The following IFT46 variants were observed in gnomAD, a reference collection of about 807,000 sequenced individuals.
The protein encoded by IFT46 is intraflagellar transport protein 46 homolog.
Under a neutral mutation model 39.6 loss-of-function variants are expected in IFT46, and 19 were observed. That is an observed-to-expected ratio of 0.48 (90% CI 0.33 to 0.70). IFT46 has a LOEUF of 0.70. Among genes scored for constraint, IFT46 ranks in the 30% least tolerant of loss-of-function variants. The pLI, the probability that IFT46 is intolerant of heterozygous loss-of-function variation, is 0.01. For missense variants in IFT46, 334 were observed against 364.8 expected, an observed-to-expected ratio of 0.92 and a Z score of 0.69; for synonymous variants, 117 against 134.8, an observed-to-expected ratio of 0.87 and a Z score of 0.91.
At chr11:118,570,572 T>C (rs1555072197), upstream of IFT46, among the ~76,000 whole-genome samples, 1 of 152,228 alleles carries the variant, frequency 6.6e-6, no homozygotes, top group African/African-American at 2.4e-5. Context: ...GGATGAGTGC[T>C]GTTCGGTTGA....
intron 4 of IFT46, 104 bp from the exon 5 acceptor site, chr11:118,555,426 C>T: frequency 1.2e-6 from 1 of 815,622 alleles, no homozygotes; most frequent in South Asian, 1.6e-5. Context: ...GATCCTGAAG[C>T]TAGCTTCTGC....
At chr11:118,555,542 C>A in intron 4 of IFT46, 1 of 450,458 alleles carries the variant, frequency 2.2e-6, no homozygotes, top group Non-Finnish European at 3.9e-6. Context: ...GCAGAAAATC[C>A]AAAACATAAT....
chr11:118,566,543 A>G (rs933055588), upstream of IFT46, among the ~76,000 whole-genome samples: 2 of 151,962 alleles, frequency 1.3e-5, no homozygotes, highest in African/African-American at 4.8e-5. Context: ...AATTCAAAAA[A>G]TTAGCCGGGC....
At chr11:118,545,609 GT>G (rs1375019999) in intron 10 of IFT46, 115 bp from the exon 11 acceptor site, 5 of 1,084,766 alleles carry the variant, frequency 4.6e-6, no homozygotes, top group Non-Finnish European at 7.0e-6. Flanking sequence ...GACTTTGGGG[GT>G]TAAATACCCA....
chr11:118,558,231 T>A (rs1437464924), intron 3 of IFT46, among the ~76,000 whole-genome samples: 1 of 152,246 alleles, frequency 6.6e-6, no homozygotes, highest in Non-Finnish European at 1.5e-5. Flanking sequence ...TCTAGAGCAT[T>A]CTTTCTCAAT....
rs1479904081 is a variant in IFT46 at position 118,560,664 on chromosome 11, G to A, written c.-35-800C>T. The A allele has an allele frequency of 1.2e-4, 63 of 518,168 alleles. 1 individual carries two copies. Among genetic ancestry groups the A allele is most frequent in the South Asian group, 5.5e-4 (29 of 52,686 alleles). 32.1% of individuals were successfully genotyped at this position (518,168 alleles called of 1,614,324 possible). ...TGGGCCGGCAGGTCTCTGTCGAGCC[G>A]CAAACGCGGGTCTCTGTTCCGCAGA... On this transcript the variant is annotated intron_variant, in intron 2 of 11. Coordinates refer to ENST00000264021, the MANE Select transcript of IFT46 (RefSeq NM_001168618.2).
At chr11:118,568,589 T>G (rs922118280), upstream of IFT46, among the ~76,000 whole-genome samples, 21 of 151,990 alleles carry the variant, frequency 1.4e-4, no homozygotes, top group African/African-American at 5.1e-4. Context: ...AATAAAAAGT[T>G]ACCCCATAAA....
At chr11:118,568,543 C>A (rs1184417580), upstream of IFT46, among the ~76,000 whole-genome samples, 1 of 152,030 alleles carries the variant, frequency 6.6e-6, no homozygotes, top group Non-Finnish European at 1.5e-5. Context: ...CAGAGTGAGA[C>A]TGTCTCAAAA....
At chr11:118,563,767 C>G (rs1938139683) in intron 2 of IFT46, among the ~76,000 whole-genome samples, 1 of 152,138 alleles carries the variant, frequency 6.6e-6, no homozygotes, top group Admixed American at 6.6e-5. Flanking sequence ...CAAACTAAGC[C>G]AAGTTCTTTC....
At chr11:118,564,810 T>C (rs1938172886) in intron 2 of IFT46, among the ~76,000 whole-genome samples, 155 bp downstream of exon 2, 1 of 152,202 alleles carries the variant, frequency 6.6e-6, no homozygotes, top group Admixed American at 6.5e-5. Context: ...AAGGCTATGA[T>C]TTCTCCCCCT....
intron 9 of IFT46, among the ~76,000 whole-genome samples, chr11:118,547,441 C>T (rs1468650359): frequency 6.6e-6 from 1 of 152,132 alleles, no homozygotes; most frequent in Non-Finnish European, 1.5e-5. Context: ...TTTTTTGAGA[C>T]GGAGTCTTGC....
chr11:118,549,434 G>A (rs148742322), intron 9 of IFT46, among the ~76,000 whole-genome samples: 2 of 151,660 alleles, frequency 1.3e-5, no homozygotes, highest in African/African-American at 4.8e-5. Flanking sequence ...TTCTCAGACT[G>A]CTACTGTCTT....
intron 11 of IFT46, 112 bp downstream of exon 11, chr11:118,545,297 C>A: frequency 1.2e-6 from 1 of 845,688 alleles, no homozygotes; most frequent in Non-Finnish European, 1.9e-6. Flanking sequence ...GCGAAGGTAA[C>A]TGGGCAGAGA....
At chr11:118,548,893 CTT>C (rs570165873) in intron 9 of IFT46, among the ~76,000 whole-genome samples, 35 of 135,348 alleles carry the variant, frequency 2.6e-4, no homozygotes, top group Admixed American at 2.3e-4. Flanking sequence ...TCCATTATGA[CTT>C]TTTTTTTTTT....
intron 7 of IFT46, 44 bp downstream of exon 7, chr11:118,554,415 C>G: frequency 6.5e-7 from 1 of 1,547,596 alleles, no homozygotes; most frequent in South Asian, 1.3e-5. Context: ...CTCCTCCACT[C>G]TTGGCCCTCT....
intron 2 of IFT46, chr11:118,560,954 G>A: frequency 7.7e-7 from 1 of 1,296,972 alleles, no homozygotes; most frequent in South Asian, 1.2e-5. Flanking sequence ...TGGTGTGAAG[G>A]TTGGCCTGAC....
At chr11:118,575,494 C>T (rs1938474022), upstream of IFT46, among the ~76,000 whole-genome samples, 1 of 151,920 alleles carries the variant, frequency 6.6e-6, no homozygotes, top group Non-Finnish European at 1.5e-5. Context: ...TTAAAACCCT[C>T]ACTGAGTAAA....
intron 3 of IFT46, among the ~76,000 whole-genome samples, chr11:118,559,192 A>G (rs954954654): frequency 6.6e-6 from 1 of 152,018 alleles, no homozygotes; most frequent in Non-Finnish European, 1.5e-5. Flanking sequence ...TTAAGAAATC[A>G]TATGTGCAAC....
upstream of IFT46, among the ~76,000 whole-genome samples, chr11:118,575,411 GGTGTGT>G (rs56934953): frequency 9.4e-5 from 14 of 149,184 alleles, no homozygotes; most frequent in African/African-American, 2.2e-4. Context: ...ACTGATAACG[GGTGTGT>G]GTGTGTGTGT....
Sources: gnomAD v4.1 joint callset for allele counts (sites outside exome capture counted in the v4.1 genomes callset) on GRCh38, gnomAD v4.1.1 for gene constraint, MANE v1.5 for transcripts, NCBI Gene and HGNC (gene_info 2026-07-23, HGNC 2026-07-21) for gene names.